Variants in SCML1 observed in about 807,000 individuals in gnomAD.
The protein encoded by SCML1 is sex comb on midleg-like protein 1.
For synonymous variants in SCML1, 104 were observed against 103.6 expected, an observed-to-expected ratio of 1.00 and a Z score of -0.02; for missense variants, 137 against 258.1, an observed-to-expected ratio of 0.53 and a Z score of 3.22.
intron 1 of SCML1, 158 bp downstream of exon 1, chrX:17,737,838 G>A (rs1194970485): frequency 8.9e-6 from 1 of 111,756 alleles, no homozygotes; most frequent in Admixed American, 9.4e-5. Context: ...CGGTGTGGAG[G>A]GGGGTGCTTT....
At chrX:17,746,322 A>T (rs1453791097) in intron 4 of SCML1, among the ~76,000 whole-genome samples, 2 of 112,403 alleles carry the variant, frequency 1.8e-5, no homozygotes, top group African/African-American at 6.5e-5. Flanking sequence ...CCCATTACCA[A>T]CCAAATGTAG....
At chrX:17,751,251 C>T (rs983149202) in intron 6 of SCML1, among the ~76,000 whole-genome samples, 2 of 111,839 alleles carry the variant, frequency 1.8e-5, no homozygotes, top group African/African-American at 6.5e-5. Flanking sequence ...TTATTGAATA[C>T]GTGGGGAAGA....
chrX:17,745,396 A>G, intron 2 of SCML1, 60 bp from the exon 3 acceptor site: 1 of 708,564 alleles, frequency 1.4e-6, no homozygotes. Context: ...TAAACCCTCA[A>G]CTTTTCTTTT....
intron 1 of SCML1, among the ~76,000 whole-genome samples, chrX:17,740,467 C>G (rs905776971): frequency 9.1e-6 from 1 of 110,263 alleles, no homozygotes; most frequent in South Asian, 3.9e-4. Context: ...CTCACGATTC[C>G]GTGAGGTATG....
intron 4 of SCML1, among the ~76,000 whole-genome samples, chrX:17,748,214 C>G (rs2066662206): frequency 9.0e-6 from 1 of 111,714 alleles, no homozygotes; most frequent in Non-Finnish European, 1.9e-5. Context: ...TTACTTGTCT[C>G]TCTCCCAGCT....
At chrX:17,737,186 G>A (rs1326252142), upstream of SCML1, among the ~76,000 whole-genome samples, 4 of 109,309 alleles carry the variant, frequency 3.7e-5, no homozygotes, top group African/African-American at 1.3e-4. Context: ...CGGGTCTTGC[G>A]AAGGAAAACC....
At chrX:17,745,392 C>T (rs2066633905) in intron 2 of SCML1, 64 bp from the exon 3 acceptor site, 1 of 683,140 alleles carries the variant, frequency 1.5e-6, no homozygotes, top group South Asian at 2.5e-5. Flanking sequence ...AAATTAAACC[C>T]TCAACTTTTC....
At chrX:17,741,078 G>A (rs1200498848) in intron 1 of SCML1, among the ~76,000 whole-genome samples, 2 of 112,030 alleles carry the variant, frequency 1.8e-5, no homozygotes, top group Non-Finnish European at 3.8e-5. Flanking sequence ...AAATATTTTA[G>A]GCTTAGAACT....
rs1199305622 is a variant in SCML1 at position 17,753,837 on chromosome X, G to A, written c.*445G>A. The A allele has an allele frequency of 1.8e-5, 2 of 111,467 alleles. No homozygotes were observed. Among genetic ancestry groups the A allele is most frequent in the Non-Finnish European group, 3.8e-5 (2 of 53,053 alleles). 9.2% of individuals were successfully genotyped at this position (111,467 alleles called of 1,213,427 possible). A position where few individuals can be genotyped will look rare whatever the true frequency, so the allele number is the denominator to read the frequency against. ...GGTGTACCCATATATATCTCTTTCT[G>A]GAGTATTTTATCTGTCTGATGTTGC... On this transcript the variant is annotated 3_prime_UTR_variant, in exon 8 of 8. Coordinates refer to ENST00000380041, the MANE Select transcript of SCML1 (RefSeq NM_001037540.3).
intron 4 of SCML1, among the ~76,000 whole-genome samples, chrX:17,746,503 A>G: frequency 8.9e-6 from 1 of 112,017 alleles, no homozygotes; most frequent in Non-Finnish European, 1.9e-5. Context: ...AACATACCTA[A>G]GGTAGTTTTG....
At chrX:17,746,358 C>A (rs760692401) in intron 4 of SCML1, among the ~76,000 whole-genome samples, 3 of 112,140 alleles carry the variant, frequency 2.7e-5, no homozygotes, top group Non-Finnish European at 5.6e-5. Context: ...CTACATTGCT[C>A]AGTATTAAAT....
At chrX:17,752,273 C>G (rs1284613365) in intron 7 of SCML1, among the ~76,000 whole-genome samples, 1 of 111,184 alleles carries the variant, frequency 9.0e-6, no homozygotes, top group Non-Finnish European at 1.9e-5. Flanking sequence ...CTATCTGCTC[C>G]CAGCTGGGCA....
chrX:17,750,613 C>T (rs928994546), intron 6 of SCML1, among the ~76,000 whole-genome samples: 2 of 112,445 alleles, frequency 1.8e-5, no homozygotes, highest in Admixed American at 1.9e-4. Context: ...CACTTATACT[C>T]ATAATGACCC....
intron 4 of SCML1, among the ~76,000 whole-genome samples, chrX:17,748,718 T>C (rs981605475): frequency 8.9e-6 from 1 of 111,974 alleles, no homozygotes; most frequent in African/African-American, 3.3e-5. Context: ...CAGCCTCCTA[T>C]GTGCTTGATT....
chrX:17,750,391 C>T, intron 6 of SCML1, 98 bp downstream of exon 6: 2 of 894,675 alleles, frequency 2.2e-6, no homozygotes, highest in Admixed American at 7.8e-5. Flanking sequence ...CATCTCTCTG[C>T]TTCCCTTCTG....
chrX:17,742,756 T>C (rs2066608252), intron 1 of SCML1, among the ~76,000 whole-genome samples: 1 of 112,306 alleles, frequency 8.9e-6, no homozygotes, highest in African/African-American at 3.2e-5. Context: ...TATCTATGAA[T>C]TGGGGGCTGT....
In SCML1 at chrX:17,750,512, G is replaced by A. The variant is rs753853726; in HGVS notation, c.703+219G>A. On this transcript the variant is annotated intron_variant, in intron 6 of 7. Transcript: ENST00000380041. ...TGTTCGTTTCCTATTTTGAGGGCTG[G>A]TTTTAGGTGATATTCAGAATGATGA... 1.1e-3 allele frequency among the ~76,000 whole-genome samples: 127 copies of A among 112,598 alleles called. 3 individuals are homozygous for A. The highest frequency in any genetic ancestry group is 5.6e-4 in the Non-Finnish European group (30 of 53,296).
intron 4 of SCML1, among the ~76,000 whole-genome samples, chrX:17,747,070 G>A (rs936155903): frequency 2.7e-5 from 3 of 111,723 alleles, no homozygotes; most frequent in African/African-American, 9.8e-5. Context: ...GGAAGACCTC[G>A]CCATCCCCTG....
chrX:17,740,307 A>C (rs1212597687), intron 1 of SCML1, among the ~76,000 whole-genome samples: 1 of 111,788 alleles, frequency 8.9e-6, no homozygotes, highest in Non-Finnish European at 1.9e-5. Flanking sequence ...CTTCAGGTGC[A>C]ATGTGAATGA....
Sources: gnomAD v4.1 joint callset for allele counts (sites outside exome capture counted in the v4.1 genomes callset) on GRCh38, gnomAD v4.1.1 for gene constraint, MANE v1.5 for transcripts, NCBI Gene and HGNC (gene_info 2026-07-23, HGNC 2026-07-21) for gene names.